The following SLC12A8 variants were observed in gnomAD, a reference collection of about 807,000 sequenced individuals.
The protein encoded by SLC12A8 is solute carrier family 12 member 8.
A neutral mutation model predicts 75.6 loss-of-function variants in SLC12A8; 69 were observed. The ratio of observed to expected loss-of-function variants is 0.91; its 90% CI spans 0.75 to 1.11. The LOEUF is 1.11. Among genes scored for constraint, SLC12A8 ranks in the 50% most tolerant of loss-of-function variants. SLC12A8 has a pLI of 0.00. For missense variants in SLC12A8, 877 were observed against 896.7 expected (o/e 0.98, Z 0.28); for synonymous variants, 365 against 372.8 (o/e 0.98, Z 0.24).
At chr3:125,145,725 G>T (rs1379539183) in intron 5 of SLC12A8, among the ~76,000 whole-genome samples, 1 of 152,156 alleles carries the variant, frequency 6.6e-6, no homozygotes, top group African/African-American at 2.4e-5. Context: ...ATTAGGCTCA[G>T]TAAGAGACTA....
chr3:125,158,012 A>G (rs1934086997), intron 5 of SLC12A8, among the ~76,000 whole-genome samples: 2 of 152,178 alleles, frequency 1.3e-5, no homozygotes, highest in African/African-American at 2.4e-5. Flanking sequence ...AAATACAGAG[A>G]TGAAGAGGCA....
intron 6 of SLC12A8, among the ~76,000 whole-genome samples, chr3:125,122,349 G>GTTGTTT (rs574877877): frequency 1.3e-5 from 2 of 152,018 alleles, no homozygotes; most frequent in Admixed American, 6.6e-5. Flanking sequence ...TTTTGTTGTT[G>GTTGTTT]TTGTTTTTGT....
At chr3:125,193,700 C>G (rs1934951137) in intron 2 of SLC12A8, among the ~76,000 whole-genome samples, 1 of 152,208 alleles carries the variant, frequency 6.6e-6, no homozygotes. Context: ...GTCTGCATCC[C>G]CAATTCCTTC....
In SLC12A8 at chr3:125,135,729, C is replaced by T. The variant is rs1031762335; in HGVS notation, c.676G>A (p.Asp226Asn). The T allele has an allele frequency of 6.2e-6, 10 of 1,610,356 alleles. No homozygotes were observed. The highest frequency in any genetic ancestry group is 4.0e-5 in the African/African-American group (3 of 74,868). ...AAAAAAGATTCCCCCGGGCTGTAATCGGGCAGCGTGTTGTTCTGTAGCAGT... is the reference window on the plus strand; with the variant it reads ...AAAAAAGATTCCCCCGGGCTGTAATTGGGCAGCGTGTTGTTCTGTAGCAGT... ...PELLQNNTLPDYSPGESFFTV... is the reference protein window; with the variant it reads ...PELLQNNTLPNYSPGESFFTV... Residue 226 changes from aspartate (D) to asparagine (N), a missense_variant, in exon 6 of 14, where the codon GAT (aspartate) becomes AAT (asparagine). Transcript: ENST00000469902.
In SLC12A8 at chr3:125,110,292, G is replaced by A. The variant is rs376458651; in HGVS notation, c.956C>T (p.Ser319Leu). ...GFLFLLGLYI[S>L]SLASCMGGLY... ...TCCTCCCATGCAGGAAGCCAGGGAC[G>A]AGATGTATAAGCCCAAAAGGAACAG... The change falls in exon 9 of 14, where the codon TCG (serine) becomes TTG (leucine). Residue 319 changes from serine (S) to leucine (L), a missense_variant. By Grantham distance (145) the Ser-to-Leu change is moderately radical. Coordinates refer to ENST00000469902, the MANE Select transcript of SLC12A8 (RefSeq NM_024628.6). 19 of 1,613,906 alleles carry A rather than the reference G, an allele frequency of 1.2e-5. No individual in the cohort carries two copies. The highest frequency in any genetic ancestry group is 4.4e-5 in the South Asian group (4 of 91,074).
intron 4 of SLC12A8, among the ~76,000 whole-genome samples, chr3:125,181,662 CA>C (rs1463025710): frequency 1.4e-5 from 2 of 138,968 alleles, no homozygotes; most frequent in Admixed American, 1.4e-4. Flanking sequence ...ACTTCAGTCA[CA>C]AAAATATCAA....
chr3:125,120,510 C>T, intron 7 of SLC12A8, 89 bp downstream of exon 7: 1 of 919,488 alleles, frequency 1.1e-6, no homozygotes, highest in South Asian at 1.4e-5. Context: ...AGTCGGGGCA[C>T]TCTCAGAACA....
chr3:125,178,337 C>A (rs1340956502), intron 4 of SLC12A8, among the ~76,000 whole-genome samples: 2 of 152,144 alleles, frequency 1.3e-5, no homozygotes, highest in Non-Finnish European at 2.9e-5. Flanking sequence ...CAAGAACACA[C>A]AGGGGGTCCC....
At chr3:125,165,803 C>T (rs1234515393) in intron 5 of SLC12A8, among the ~76,000 whole-genome samples, 2 of 152,196 alleles carry the variant, frequency 1.3e-5, no homozygotes, top group Non-Finnish European at 2.9e-5. Context: ...CCTGGCCCTC[C>T]GCAGACACAG....
At chr3:125,176,378 T>A (rs1579525293) in intron 5 of SLC12A8, among the ~76,000 whole-genome samples, 1 of 152,150 alleles carries the variant, frequency 6.6e-6, no homozygotes, top group Non-Finnish European at 1.5e-5. Context: ...GCCTGGTTTT[T>A]TTAATAGCAA....
At chr3:125,169,864 A>G (rs1001368011) in intron 5 of SLC12A8, among the ~76,000 whole-genome samples, 1 of 152,198 alleles carries the variant, frequency 6.6e-6, no homozygotes, top group Admixed American at 6.5e-5. Flanking sequence ...CTCATTACCA[A>G]CAATGGATGG....
intron 10 of SLC12A8, among the ~76,000 whole-genome samples, chr3:125,094,630 C>A (rs1938667844): frequency 6.6e-6 from 1 of 152,196 alleles, no homozygotes; most frequent in African/African-American, 2.4e-5. Flanking sequence ...TCATTCCCAA[C>A]AAATACAAAT....
chr3:125,088,527 G>T (rs1461228594), intron 12 of SLC12A8, among the ~76,000 whole-genome samples, 157 bp from the exon 13 acceptor site: 1 of 152,112 alleles, frequency 6.6e-6, no homozygotes, highest in Non-Finnish European at 1.5e-5. Flanking sequence ...AATTTTCATT[G>T]TAATCTTCCA....
chr3:125,125,912 C>G (rs1392553639), intron 6 of SLC12A8: 1 of 983,926 alleles, frequency 1.0e-6, no homozygotes, highest in Non-Finnish European at 1.2e-6. Flanking sequence ...ATAATCGGCG[C>G]GATGCATTGG....
At chr3:125,109,534 C>G (rs1176842091) in intron 9 of SLC12A8, among the ~76,000 whole-genome samples, 1 of 152,162 alleles carries the variant, frequency 6.6e-6, no homozygotes, top group African/African-American at 2.4e-5. Context: ...CTCTGGGGTA[C>G]CCCAACAAGA....
chr3:125,097,285 A>T (rs1296677775), intron 10 of SLC12A8, among the ~76,000 whole-genome samples: 1 of 152,044 alleles, frequency 6.6e-6, no homozygotes, highest in Non-Finnish European at 1.5e-5. Context: ...GCTACTTGGG[A>T]GGCTGAGGCA....
At position 125,144,986 on chromosome 3, in the gene SLC12A8, C is replaced by T. The variant is rs370571924; in HGVS notation, c.623-9204G>A. Among the ~76,000 whole-genome samples, 7 of 152,328 alleles carry T rather than the reference C, an allele frequency of 4.6e-5. No individual in the cohort carries two copies. The East Asian group carries it at 1.2e-3, about 25-fold the overall frequency. ...TCTGAGGCCATGGGCAGCTCTCCCC[C>T]ACCCCAAGTCCTACCCAAGAAACAA... is the stretch of plus-strand genomic sequence containing the variant. On this transcript the variant is annotated intron_variant, in intron 5 of 13. Transcript: ENST00000469902.
chr3:125,135,588 A>T, intron 6 of SLC12A8, 81 bp downstream of exon 6: 1 of 785,234 alleles, frequency 1.3e-6, no homozygotes, highest in Non-Finnish European at 2.0e-6. Context: ...GAGTACCTGC[A>T]GGCCAATGAT....
chr3:125,200,207 G>A (rs1249059494), intron 2 of SLC12A8, among the ~76,000 whole-genome samples: 1 of 152,176 alleles, frequency 6.6e-6, no homozygotes, highest in East Asian at 1.9e-4. Context: ...CCAGCACTTT[G>A]GGAGGCCCAG....
Sources: allele counts gnomAD v4.1 joint callset (sites outside exome capture counted in the v4.1 genomes callset), GRCh38; gene constraint gnomAD v4.1.1; transcripts MANE v1.5; gene names NCBI Gene and HGNC (gene_info 2026-07-23, HGNC 2026-07-21).